The following PCDH9 variants were observed in gnomAD, a reference collection of about 807,000 sequenced individuals.
PCDH9 encodes protocadherin 9.
Under a neutral mutation model 70.6 loss-of-function variants are expected in PCDH9, and 24 were observed. The observed-to-expected ratio is 0.34, with a 90% CI of 0.25 to 0.48. PCDH9 has a LOEUF of 0.48. Ranked by LOEUF, PCDH9 falls within the 20% of genes least tolerant of loss-of-function variation. PCDH9 has a pLI of 0.99. For missense variants in PCDH9, 1,281 were observed against 1,503.6 expected, an observed-to-expected ratio of 0.85 and a Z score of 2.45; for synonymous variants, 562 against 558.5, an observed-to-expected ratio of 1.01 and a Z score of -0.09.
At chr13:67,125,470 C>G (rs2086958838) in intron 2 of PCDH9, among the ~76,000 whole-genome samples, 1 of 152,026 alleles carries the variant, frequency 6.6e-6, no homozygotes, top group Non-Finnish European at 1.5e-5. Context: ...AGAAGAATCT[C>G]TTCTCTTCCC....
intron 2 of PCDH9, among the ~76,000 whole-genome samples, chr13:67,172,524 C>A (rs889177183): frequency 6.6e-6 from 1 of 151,958 alleles, no homozygotes; most frequent in Non-Finnish European, 1.5e-5. Context: ...TTTGAGGGAA[C>A]CTGAGAATTG....
At chr13:66,872,792 C>T (rs1435565769) in intron 3 of PCDH9, among the ~76,000 whole-genome samples, 2 of 152,060 alleles carry the variant, frequency 1.3e-5, no homozygotes, top group Non-Finnish European at 2.9e-5. Context: ...ATTGAATCTC[C>T]TCTACTTCTC....
intron 2 of PCDH9, among the ~76,000 whole-genome samples, chr13:67,010,909 C>A (rs1207307076): frequency 6.6e-6 from 1 of 151,774 alleles, no homozygotes; most frequent in Non-Finnish European, 1.5e-5. Flanking sequence ...ATTTTTCTGC[C>A]AGTTACCCTT....
At chr13:66,927,263 G>A (rs761745088) in intron 2 of PCDH9, among the ~76,000 whole-genome samples, 2 of 151,992 alleles carry the variant, frequency 1.3e-5, no homozygotes. Context: ...AGGTGGAGCT[G>A]GAGGCCCTTA....
chr13:66,628,911 C>A (rs1284894643), intron 4 of PCDH9, among the ~76,000 whole-genome samples: 1 of 152,152 alleles, frequency 6.6e-6, no homozygotes, highest in East Asian at 1.9e-4. Flanking sequence ...ATATAACTCT[C>A]ATTTTATCCT....
chr13:66,452,216 C>G (rs182783582), intron 4 of PCDH9, among the ~76,000 whole-genome samples: 1 of 152,110 alleles, frequency 6.6e-6, no homozygotes, highest in Non-Finnish European at 1.5e-5. Context: ...GAGGATGGGA[C>G]ATTTTTTCCA....
intron 4 of PCDH9, among the ~76,000 whole-genome samples, chr13:66,513,287 G>C (rs776892571): frequency 2.1e-5 from 3 of 146,120 alleles, no homozygotes; most frequent in Non-Finnish European, 3.0e-5. Context: ...TTTTTCAGTA[G>C]CAAATGAAAA....
At chr13:67,140,023 T>TCCCC (rs1194534927) in intron 2 of PCDH9, among the ~76,000 whole-genome samples, 2 of 35,172 alleles carry the variant, frequency 5.7e-5, no homozygotes, top group Non-Finnish European at 1.1e-4. Context: ...GATTTTTTGA[T>TCCCC]CACCCCCCCC....
At position 66,483,064 on chromosome 13, in the gene PCDH9, T is replaced by C. The variant is rs143833194; in HGVS notation, c.3340+148146A>G. Among the ~76,000 whole-genome samples the C allele has an allele frequency of 3.3e-5, 5 of 152,324 alleles. No homozygotes were observed. The East Asian group carries it at 9.6e-4, about 29-fold the overall frequency. On this transcript the variant is annotated intron_variant, in intron 4 of 4. Transcript: ENST00000377865. ...GCTACTGGGAAGAACGTATACCATA[T>C]GATTGATGCTAGAAAAAAATATTCT...
intron 2 of PCDH9, chr13:67,209,606 T>C (rs1314794399): frequency 3.3e-5 from 5 of 152,226 alleles, no homozygotes; most frequent in African/African-American, 1.2e-4. Flanking sequence ...TAGTAGTAAA[T>C]GCAAGCAAAT....
In PCDH9 at chr13:67,075,911, A is replaced by ACC. The variant is rs770118343; in HGVS notation, c.3036+149493_3036+149494insGG. On this transcript the variant is annotated intron_variant, in intron 2 of 4. Transcript: ENST00000377865. ...TTTGATAGCCCCATTATGCAACTGC[A>ACC]TAAATTTAGAAATTGGAAGAATTTG... Among the ~76,000 whole-genome samples, 135 of 152,298 alleles carry ACC rather than the reference A, an allele frequency of 8.9e-4. 1 individual carries two copies. The Middle Eastern group carries it at 0.01, about 12-fold the overall frequency.
At chr13:66,948,182 G>A (rs1443363381) in intron 2 of PCDH9, among the ~76,000 whole-genome samples, 2 of 152,034 alleles carry the variant, frequency 1.3e-5, no homozygotes, top group Non-Finnish European at 2.9e-5. Flanking sequence ...TGTTCATCAT[G>A]TTCATTTGGA....
At chr13:66,973,202 T>C (rs189635968) in intron 2 of PCDH9, among the ~76,000 whole-genome samples, 1 of 151,958 alleles carries the variant, frequency 6.6e-6, no homozygotes, top group East Asian at 1.9e-4. Context: ...ACATTGTCCT[T>C]GGTCCAAATT....
chr13:66,684,254 G>A (rs953859175), intron 3 of PCDH9, among the ~76,000 whole-genome samples: 8 of 152,268 alleles, frequency 5.3e-5, no homozygotes, highest in Admixed American at 2.0e-4. Context: ...GTGCTTCTTG[G>A]TTGTCCTGGA....
chr13:66,525,537 A>G (rs1001415575), intron 4 of PCDH9, among the ~76,000 whole-genome samples: 2 of 152,162 alleles, frequency 1.3e-5, no homozygotes, highest in Non-Finnish European at 2.9e-5. Context: ...CTTAAAACAA[A>G]GCAAAAATCA....
intron 2 of PCDH9, among the ~76,000 whole-genome samples, chr13:66,953,581 G>C (rs746738055): frequency 6.6e-6 from 1 of 152,102 alleles, no homozygotes; most frequent in African/African-American, 2.4e-5. Flanking sequence ...TATCAATGTT[G>C]TCCCTTCTCT....
chr13:66,472,942 T>G (rs1470804974), intron 4 of PCDH9, among the ~76,000 whole-genome samples: 3 of 152,068 alleles, frequency 2.0e-5, no homozygotes, highest in Non-Finnish European at 1.5e-5. Flanking sequence ...TGGTACTTTA[T>G]GATTTCTAGT....
In PCDH9 at chr13:67,225,746, G is replaced by C; in HGVS notation, c.2695C>G (p.Pro899Ala). The C allele has an allele frequency of 6.2e-7, 1 of 1,614,050 alleles. No homozygotes were observed. Among genetic ancestry groups the C allele is most frequent in the Non-Finnish European group, 8.5e-7 (1 of 1,179,914 alleles). Residue 899 changes from proline (P) to alanine (A), a missense_variant, in exon 2 of 5, where the codon CCT becomes GCT. Pro to Ala is a conservative substitution (Grantham distance 27). This residue lies in a region of PCDH9 where 207 missense variants were observed against 191.8 expected (regional missense o/e 1.08). Coordinates refer to ENST00000377865, the MANE Select transcript of PCDH9 (RefSeq NM_203487.3). ...ESKPDDAVHE[P>A]INGTISLPAE... ...GGCAGGCTTATTGTCCCATTGATAG[G>C]TTCATGAACTGCATCATCGGGTTTG... is the stretch of plus-strand genomic sequence containing the variant.
intron 2 of PCDH9, among the ~76,000 whole-genome samples, chr13:66,944,143 A>C (rs186682361): frequency 6.6e-6 from 1 of 152,258 alleles, no homozygotes; most frequent in Admixed American, 6.5e-5. Context: ...ATTATAAACA[A>C]TTTAGGCATA....
Sources: allele counts gnomAD v4.1 joint callset (sites outside exome capture counted in the v4.1 genomes callset), GRCh38; gene constraint gnomAD v4.1.1; regional missense constraint gnomAD v4.1.1; transcripts MANE v1.5; gene names NCBI Gene and HGNC (gene_info 2026-07-23, HGNC 2026-07-21).